The following TOX2 variants were observed in gnomAD, a reference collection of about 807,000 sequenced individuals.
TOX2 encodes the protein granulosa cell HMG box 1.
In TOX2, 15 loss-of-function variants were observed where a neutral mutation model predicts 47.4. The observed-to-expected ratio is 0.32, with a 90% CI of 0.21 to 0.49. The LOEUF (loss-of-function observed/expected upper bound fraction) is 0.49. TOX2 is among the 20% of genes least tolerant of loss of function. The pLI, the probability that TOX2 is intolerant of heterozygous loss-of-function variation, is 0.99. For missense variants in TOX2, 622 were observed against 673.1 expected (o/e 0.92, Z 0.84); for synonymous variants, 290 against 296.6 (o/e 0.98, Z 0.23).
intron 3 of TOX2, among the ~76,000 whole-genome samples, chr20:44,038,532 A>G (rs2071276068): frequency 6.6e-6 from 1 of 152,216 alleles, no homozygotes; most frequent in Admixed American, 6.5e-5. Context: ...CTATGCATGT[A>G]TACAACTATG....
chr20:43,928,477 C>T (rs1001821959), intron 1 of TOX2, among the ~76,000 whole-genome samples: 13 of 152,228 alleles, frequency 8.5e-5, no homozygotes, highest in African/African-American at 3.1e-4. Flanking sequence ...CTGCTTTGGA[C>T]GGAGCACTAA....
intron 3 of TOX2, among the ~76,000 whole-genome samples, chr20:44,043,307 T>C (rs114903436): frequency 0.019 from 2,921 of 152,286 alleles, 96 homozygotes; most frequent in African/African-American, 0.066. Flanking sequence ...CATATTGTTG[T>C]TGCTGCTGCT....
At chr20:44,053,019 T>A (rs1042657279) in intron 4 of TOX2, among the ~76,000 whole-genome samples, 8 of 152,254 alleles carry the variant, frequency 5.3e-5, no homozygotes, top group Non-Finnish European at 1.0e-4. Context: ...TCATGCCTAC[T>A]GGCCCATGGC....
chr20:43,915,305 G>C lies in TOX2; in HGVS notation c.99+315G>C, dbSNP rs1045172952. Among the ~76,000 whole-genome samples the C allele has an allele frequency of 2.0e-5, 3 of 152,052 alleles. No homozygotes were observed. The highest frequency in any genetic ancestry group is 7.2e-5 in the African/African-American group (3 of 41,388). ...CAGGCGGCCAGGCACTGCTTACACG[G>C]TCCCGCCGTCCCACGCAAGTCACCC... On this transcript the variant is annotated intron_variant, in intron 1 of 8. Coordinates refer to ENST00000341197, the MANE Select transcript of TOX2 (RefSeq NM_001098797.2). The surrounding 1 kb of genome is among the most constrained non-coding windows in gnomAD (Gnocchi z 7.1).
chr20:44,058,102 G>A (rs1234759421), intron 5 of TOX2, among the ~76,000 whole-genome samples: 2 of 151,812 alleles, frequency 1.3e-5, no homozygotes, highest in Non-Finnish European at 1.5e-5. Context: ...TACTAGGAAA[G>A]CCAAAAGAAT....
Position 43,914,926 on chromosome 20 carries a change from TG to T in TOX2, c.38del (p.Gly13AlafsTer31). 8.5e-7 allele frequency: 1 copy of T among 1,179,312 alleles called. No homozygotes were observed. 73.1% of individuals were successfully genotyped at this position (1,179,312 alleles called of 1,614,324 possible). ...DVRLYPSAPA[V>X]GARPGAEPAG... Reference sequence around the variant, plus strand: ...CGCCTGTACCCCTCGGCGCCCGCGGTGGGCGCGCGGCCCGGGGCCGAGCCGG... The same window carrying T: ...CGCCTGTACCCCTCGGCGCCCGCGGTGGCGCGCGGCCCGGGGCCGAGCCGG... On this transcript the variant is annotated frameshift_variant, in exon 1 of 9. Transcript: ENST00000341197. LOFTEE classifies it high-confidence loss of function. This position sits in a 1 kb window ranked among gnomAD's most constrained non-coding sequence, Gnocchi z 4.5.
chr20:43,964,877 C>T (rs1299997033), intron 1 of TOX2, among the ~76,000 whole-genome samples: 1 of 152,148 alleles, frequency 6.6e-6, no homozygotes, highest in African/African-American at 2.4e-5. Flanking sequence ...ATTCCCTGCT[C>T]CTTGCCTAGT....
chr20:44,031,303 C>G (rs774290307), intron 3 of TOX2, among the ~76,000 whole-genome samples: 2 of 152,114 alleles, frequency 1.3e-5, no homozygotes, highest in Non-Finnish European at 2.9e-5. Context: ...CTGGAATAAG[C>G]CTGTATGACT....
At chr20:44,026,924 C>T (rs546804439) in intron 3 of TOX2, among the ~76,000 whole-genome samples, 1 of 152,314 alleles carries the variant, frequency 6.6e-6, no homozygotes, top group East Asian at 1.9e-4. Context: ...CTCCTCCCCA[C>T]CTTGGGCATT....
At chr20:43,950,124 C>T (rs965266343) in intron 1 of TOX2, among the ~76,000 whole-genome samples, 2 of 152,132 alleles carry the variant, frequency 1.3e-5, no homozygotes, top group Non-Finnish European at 2.9e-5. Context: ...TTCCCAAAGA[C>T]ACTTGGAATG....
At chr20:44,052,328 C>G (rs762217347) in intron 4 of TOX2, among the ~76,000 whole-genome samples, 1 of 152,226 alleles carries the variant, frequency 6.6e-6, no homozygotes, top group Non-Finnish European at 1.5e-5. Flanking sequence ...AACATCTTGT[C>G]TTACCAGGGA....
In TOX2 at chr20:44,065,893, C is replaced by T; in HGVS notation, c.1142C>T (p.Ser381Phe). ...ASLARTLGSK[S>F]LLPGLSASPP... ...CTCGCCCGGACGCTGGGCTCCAAGT[C>T]TCTGCTGCCAGGCCTCAGTGCGTCC... The change falls in exon 7 of 9, where the codon TCT becomes TTT. Residue 381 changes from serine (S) to phenylalanine (F), a missense_variant. Transcript: ENST00000341197. 1 of 1,612,280 alleles carries T rather than the reference C, an allele frequency of 6.2e-7. No homozygotes were observed. Among genetic ancestry groups the T allele is most frequent in the African/African-American group, 1.3e-5 (1 of 75,028 alleles).
chr20:43,995,961 C>T (rs1315693202), intron 2 of TOX2, among the ~76,000 whole-genome samples: 1 of 152,110 alleles, frequency 6.6e-6, no homozygotes, highest in Non-Finnish European at 1.5e-5. Flanking sequence ...TGTGAATAGT[C>T]CTGCAATGAA....
At chr20:44,058,099 A>G (rs912157400) in intron 5 of TOX2, among the ~76,000 whole-genome samples, 26 of 151,652 alleles carry the variant, frequency 1.7e-4, no homozygotes, top group African/African-American at 6.4e-4. Flanking sequence ...ACATACTAGG[A>G]AAGCCAAAAG....
At chr20:44,025,635 G>GA (rs1234688147) in intron 3 of TOX2, among the ~76,000 whole-genome samples, 3 of 61,228 alleles carry the variant, frequency 4.9e-5, no homozygotes, top group Admixed American at 3.5e-4. Flanking sequence ...TCCTATGTGT[G>GA]AAAAATGTTA....
intron 2 of TOX2, among the ~76,000 whole-genome samples, chr20:43,984,552 A>C (rs2070231793): frequency 6.6e-6 from 1 of 152,228 alleles, no homozygotes; most frequent in African/African-American, 2.4e-5. Context: ...CCCAATGGCC[A>C]AAAATATATT....
At chr20:43,986,647 GGA>G (rs2070272488) in intron 2 of TOX2, among the ~76,000 whole-genome samples, 1 of 152,124 alleles carries the variant, frequency 6.6e-6, no homozygotes, top group Non-Finnish European at 1.5e-5. Context: ...AAGTTGAGAA[GGA>G]TCTGGAGGAA....
At chr20:43,993,789 G>T (rs1434812968) in intron 2 of TOX2, among the ~76,000 whole-genome samples, 2 of 152,204 alleles carry the variant, frequency 1.3e-5, no homozygotes, top group African/African-American at 4.8e-5. Context: ...GAAAAAGTTT[G>T]CTGGGCTTTT....
At chr20:43,918,411 G>A (rs966823442) in intron 1 of TOX2, among the ~76,000 whole-genome samples, 4 of 152,174 alleles carry the variant, frequency 2.6e-5, no homozygotes, top group African/African-American at 9.7e-5. Flanking sequence ...CAGCATCCCA[G>A]TCCAGATAGA....
Sources: allele counts gnomAD v4.1 joint callset (sites outside exome capture counted in the v4.1 genomes callset), GRCh38; gene constraint gnomAD v4.1.1; non-coding constraint Gnocchi (gnomAD v3.1); transcripts MANE v1.5; gene names NCBI Gene and HGNC (gene_info 2026-07-23, HGNC 2026-07-21).